The following ADGRV1 variants were observed in gnomAD, a reference collection of about 807,000 sequenced individuals.
ADGRV1 encodes adhesion G protein-coupled receptor V1, also known as G-protein coupled receptor 98.
In ADGRV1, 359 loss-of-function variants were observed where a neutral mutation model predicts 596.2. The ratio of observed to expected loss-of-function variants is 0.60; its 90% CI spans 0.55 to 0.66. ADGRV1 has a LOEUF of 0.66. ADGRV1 is among the 30% of genes least tolerant of loss of function. ADGRV1 has a pLI of 0.00. For synonymous variants in ADGRV1, 2,681 were observed against 2,679.2 expected, an observed-to-expected ratio of 1.00 and a Z score of -0.02; for missense variants, 7,274 against 7,575.6, an observed-to-expected ratio of 0.96 and a Z score of 1.48.
intron 1 of ADGRV1, among the ~76,000 whole-genome samples, chr5:90,601,228 A>T (rs1312404753): frequency 6.6e-6 from 1 of 151,052 alleles, no homozygotes; most frequent in Non-Finnish European, 1.5e-5. Context: ...CAAGAGTGAA[A>T]CTCCATCTCA....
At chr5:91,022,952 G>T (rs904461925) in intron 85 of ADGRV1, among the ~76,000 whole-genome samples, 1 of 152,132 alleles carries the variant, frequency 6.6e-6, no homozygotes, top group Non-Finnish European at 1.5e-5. Context: ...AAATTTAGGT[G>T]TGAAGTCCTA....
At chr5:90,631,588 A>G (rs1332391756) in intron 9 of ADGRV1, among the ~76,000 whole-genome samples, 3 of 151,814 alleles carry the variant, frequency 2.0e-5, no homozygotes, top group Admixed American at 1.3e-4. Context: ...AAGCGGGAAA[A>G]TTTTCATGTG....
At chr5:91,055,819 G>A (rs1468388505) in intron 85 of ADGRV1, among the ~76,000 whole-genome samples, 1 of 152,188 alleles carries the variant, frequency 6.6e-6, no homozygotes, top group South Asian at 2.1e-4. Context: ...TAATTTAGAG[G>A]TTGGTGCAAA....
At position 90,729,733 on chromosome 5, in the gene ADGRV1, A is replaced by T; in HGVS notation, c.10518A>T (p.Arg3506Ser). 6.2e-7 allele frequency: 1 copy of T among 1,613,372 alleles called. No homozygotes were observed. Among genetic ancestry groups the T allele is most frequent in the Non-Finnish European group, 8.5e-7 (1 of 1,179,434 alleles). Residue 3506 changes from arginine (R) to serine (S), a missense_variant, in exon 50 of 90, where the codon AGA becomes AGT. Arg to Ser is a moderately radical substitution (Grantham distance 110, BLOSUM62 -1). This residue lies in a region of ADGRV1 where 3,643 missense variants were observed against 3,809.2 expected (regional missense o/e 0.96). Transcript: ENST00000405460. ...FQSVDFAAVN[R>S]IHSFTPASGI... ...CTGTAGATTTTGCTGCTGTTAACAG[A>T]ATCCACTCCTTCACACCAGCCTCAG...
chr5:90,745,552 G>T, intron 51 of ADGRV1, 39 bp from the exon 52 acceptor site: 1 of 1,348,526 alleles, frequency 7.4e-7, no homozygotes. Flanking sequence ...TCTTAAATTT[G>T]TTGTAGTTGA....
Position 90,815,697 on chromosome 5 carries a change from T to G in ADGRV1, c.16157T>G (p.Met5386Arg). 1 of 1,572,666 alleles carries G rather than the reference T, an allele frequency of 6.4e-7. No individual in the cohort carries two copies. Among genetic ancestry groups the G allele is most frequent in the Non-Finnish European group, 8.6e-7 (1 of 1,157,260 alleles). ...CTAGAACTCAGGGAAGGAGCTGTTA[T>G]GAGAAGATTGCACCTTATTGTCACA... ...SGLELREGAV[M>R]RRLHLIVTRQ... is the part of the protein sequence containing the mutation. The change falls in exon 75 of 90, where the codon ATG (methionine) becomes AGG (arginine). Residue 5386 changes from methionine (M) to arginine (R), a missense_variant. Transcript: ENST00000405460.
intron 21 of ADGRV1, among the ~76,000 whole-genome samples, chr5:90,661,618 T>A (rs1006544419): frequency 2.0e-5 from 3 of 152,196 alleles, no homozygotes; most frequent in African/African-American, 4.8e-5. Context: ...TTTCAAAAAC[T>A]CGTCTTACTA....
intron 21 of ADGRV1, among the ~76,000 whole-genome samples, chr5:90,666,560 A>T (rs923324042): frequency 1.1e-5 from 1 of 88,124 alleles, no homozygotes; most frequent in Non-Finnish European, 2.2e-5. Context: ...GGTCTTGACT[A>T]TCCAATTTGC....
chr5:90,861,903 G>C (rs912462300), intron 82 of ADGRV1, among the ~76,000 whole-genome samples: 2 of 152,080 alleles, frequency 1.3e-5, no homozygotes, highest in Non-Finnish European at 2.9e-5. Flanking sequence ...GACCCAGCCT[G>C]TTTGAGGTTT....
intron 87 of ADGRV1, among the ~76,000 whole-genome samples, chr5:91,133,556 G>A (rs1348693978): frequency 2.6e-5 from 4 of 152,204 alleles, no homozygotes; most frequent in African/African-American, 9.7e-5. Flanking sequence ...ACTTGAAGAA[G>A]TTACTGACCC....
At chr5:90,602,938 C>G (rs1389310276) in intron 1 of ADGRV1, among the ~76,000 whole-genome samples, 1 of 152,238 alleles carries the variant, frequency 6.6e-6, no homozygotes, top group Non-Finnish European at 1.5e-5. Context: ...AAAACACTTT[C>G]AGGGCCTCTT....
At chr5:90,611,216 A>G (rs1282113039) in intron 1 of ADGRV1, among the ~76,000 whole-genome samples, 1 of 151,962 alleles carries the variant, frequency 6.6e-6, no homozygotes, top group Non-Finnish European at 1.5e-5. Context: ...GAGCTGGTCT[A>G]ATATAGTCCA....
Position 90,675,424 on chromosome 5 carries a change from A to G in ADGRV1, c.5292A>G (p.Ala1764=), listed in dbSNP as rs751962411. 1 of 1,613,584 alleles carries G rather than the reference A, an allele frequency of 6.2e-7. No homozygotes were observed. The highest frequency in any genetic ancestry group is 8.5e-7 in the Non-Finnish European group (1 of 1,179,734). Residue 1764 remains alanine, a synonymous_variant, in exon 24 of 90, where the codon GCA becomes GCG. Coordinates refer to ENST00000405460, the MANE Select transcript of ADGRV1 (RefSeq NM_032119.4). Reference sequence around the variant, plus strand: ...AATTTAGAACAGTGTCCTTGACAGCATTCAGTCCTGAGGATTACCAGGTAA... The same window carrying G: ...AATTTAGAACAGTGTCCTTGACAGCGTTCAGTCCTGAGGATTACCAGGTAA... The part of the protein sequence containing the change: ...TAEFRTVSLT[A]FSPEDYQNVA...
At chr5:90,585,624 G>A (rs1262410135) in intron 1 of ADGRV1, among the ~76,000 whole-genome samples, 1 of 152,226 alleles carries the variant, frequency 6.6e-6, no homozygotes. Flanking sequence ...CCTGTCAGGG[G>A]AAGGGGAGCC....
At chr5:90,717,726 C>G (rs944076847) in intron 43 of ADGRV1, 1 of 152,152 alleles carries the variant, frequency 6.6e-6, no homozygotes, top group Admixed American at 6.5e-5. Context: ...AGGATGGTCT[C>G]GATCTCCTGA....
intron 85 of ADGRV1, among the ~76,000 whole-genome samples, chr5:91,056,062 T>C (rs1188342372): frequency 6.6e-6 from 1 of 152,182 alleles, no homozygotes; most frequent in Non-Finnish European, 1.5e-5. Flanking sequence ...TGGTAGTCGG[T>C]TGGCGAGAGG....
chr5:91,008,291 C>T (rs1002531907), intron 85 of ADGRV1, among the ~76,000 whole-genome samples: 1 of 152,084 alleles, frequency 6.6e-6, no homozygotes, highest in Non-Finnish European at 1.5e-5. Context: ...ATTCTCCCAA[C>T]GTGGTAGCTT....
rs747004600 is a variant in ADGRV1 at position 90,619,151 on chromosome 5, C to A, written c.423C>A (p.Asp141Glu). ...TTACTGTGACAATATTATCAAATGA[C>A]AATGCATTTGGAATTATTTCATTTA... ...RTVTVTILSN[D>E]NAFGIISFNM... is the part of the protein sequence containing the mutation. Residue 141 changes from aspartate (D) to glutamate (E), a missense_variant, in exon 4 of 90, where the codon GAC (aspartate) becomes GAA (glutamate). Around this residue, in one of 5 missense-constraint regions of ADGRV1, gnomAD observed 1,715 missense variants for 1,708.8 expected, o/e 1.00. Transcript: ENST00000405460. The A allele has an allele frequency of 2.0e-6, 3 of 1,484,222 alleles. No homozygotes were observed. The South Asian group carries it at 4.5e-5, about 22-fold the overall frequency. The allele number at this position is 1,484,222 out of a possible 1,614,324, so 91.9% of individuals were successfully genotyped here.
At position 90,810,810 on chromosome 5, in the gene ADGRV1, G is replaced by A; in HGVS notation, c.15550G>A (p.Gly5184Ser). 2 of 1,613,958 alleles carry A rather than the reference G, an allele frequency of 1.2e-6. No homozygotes were observed. Among genetic ancestry groups the A allele is most frequent in the South Asian group, 2.2e-5 (2 of 91,076 alleles). ...NVVAIVTEAT[G>S]VSAIPEKLVT... ...GGTTGCCATTGTTACTGAGGCAACT[G>A]GTGTATCTGCCATCCCTGAGAAACT... Residue 5184 changes from glycine to serine, a missense_variant, in exon 74 of 90, where the codon GGT (glycine) becomes AGT (serine). Physicochemically the swap from Gly to Ser is moderately conservative, Grantham distance 56. This residue lies in a region of ADGRV1 where 1,874 missense variants were observed against 1,970.2 expected (regional missense o/e 0.95). Transcript: ENST00000405460.
Sources: allele counts gnomAD v4.1 joint callset (sites outside exome capture counted in the v4.1 genomes callset), GRCh38; gene constraint gnomAD v4.1.1; regional missense constraint gnomAD v4.1.1; transcripts MANE v1.5; gene names NCBI Gene and HGNC (gene_info 2026-07-23, HGNC 2026-07-21).